Variants in NBEA observed in about 807,000 individuals in gnomAD.
NBEA encodes lysosomal-trafficking regulator 2.
Under a neutral mutation model 343.4 loss-of-function variants are expected in NBEA, and 44 were observed. The ratio of observed to expected loss-of-function variants is 0.13; its 90% CI spans 0.10 to 0.16. The LOEUF (loss-of-function observed/expected upper bound fraction) is 0.16, where lower values mean the gene tolerates loss of function less well. Among genes scored for constraint, NBEA ranks in the 10% least tolerant of loss-of-function variants. The pLI is 1.00. For missense variants in NBEA, 2,555 were observed against 3,631.3 expected (o/e 0.70, Z 7.62); for synonymous variants, 1,175 against 1,238.7 (o/e 0.95, Z 1.08).
At chr13:35,510,927 G>A (rs2077250966) in intron 41 of NBEA, among the ~76,000 whole-genome samples, 1 of 152,098 alleles carries the variant, frequency 6.6e-6, no homozygotes, top group South Asian at 2.1e-4. Context: ...ATCTTACCTG[G>A]AAAATTCATT....
intron 34 of NBEA, among the ~76,000 whole-genome samples, chr13:35,256,730 T>C (rs2032644631): frequency 6.6e-6 from 1 of 152,158 alleles, no homozygotes; most frequent in African/African-American, 2.4e-5. Context: ...CACCCAAGCA[T>C]GTGCACGCCC....
At chr13:35,428,282 C>G (rs191477215) in intron 38 of NBEA, among the ~76,000 whole-genome samples, 2,880 of 152,226 alleles carry the variant, frequency 0.019, 44 homozygotes, top group Admixed American at 0.031. Context: ...GCTCCTCCCC[C>G]ACCCGCCATT....
In NBEA at chr13:35,151,355, C is replaced by A. The variant is rs940175436; in HGVS notation, c.2446-4419C>A. 2.0e-5 allele frequency among the ~76,000 whole-genome samples: 3 copies of A among 151,676 alleles called. No homozygotes were observed. The South Asian group carries it at 6.3e-4, about 32-fold the overall frequency. On this transcript the variant is annotated intron_variant, in intron 18 of 58. Coordinates refer to ENST00000379939, the MANE Select transcript of NBEA (RefSeq NM_001385012.1). ...GGTTGGGAGTTCGAGACCAGCCTGA[C>A]CAACATGGAGAAACCCCATCACTAC...
At chr13:35,473,883 A>AT (rs529874201) in intron 41 of NBEA, among the ~76,000 whole-genome samples, 16 of 152,132 alleles carry the variant, frequency 1.1e-4, no homozygotes, top group Non-Finnish European at 2.1e-4. Flanking sequence ...AATTAGTCAG[A>AT]TTTTTAACTC....
intron 45 of NBEA, among the ~76,000 whole-genome samples, chr13:35,575,806 G>A (rs573037398): frequency 1.3e-5 from 2 of 152,024 alleles, no homozygotes; most frequent in Admixed American, 1.3e-4. Context: ...GATTCAGTCA[G>A]CGACCACACA....
chr13:35,394,901 A>G (rs1340697294), intron 38 of NBEA, among the ~76,000 whole-genome samples: 1 of 152,068 alleles, frequency 6.6e-6, no homozygotes, highest in African/African-American at 2.4e-5. Context: ...TAAAGCTGTA[A>G]GTTTCCTTCT....
At chr13:35,367,453 C>T (rs989342063) in intron 38 of NBEA, among the ~76,000 whole-genome samples, 2 of 150,838 alleles carry the variant, frequency 1.3e-5, no homozygotes, top group Non-Finnish European at 3.0e-5. Context: ...TTTTAACAGG[C>T]TTTCAAGTTG....
intron 1 of NBEA, among the ~76,000 whole-genome samples, chr13:34,962,192 T>C (rs1428594295): frequency 6.6e-6 from 1 of 152,034 alleles, no homozygotes; most frequent in Non-Finnish European, 1.5e-5. Context: ...TTTAAGATTT[T>C]TAAATTAGAT....
intron 17 of NBEA, among the ~76,000 whole-genome samples, chr13:35,130,355 T>A (rs760419671): frequency 4.6e-5 from 7 of 152,138 alleles, no homozygotes; most frequent in Non-Finnish European, 8.8e-5. Context: ...AATCTCTATG[T>A]ATTTTTTTAT....
intron 41 of NBEA, among the ~76,000 whole-genome samples, chr13:35,492,053 A>G (rs2076519366): frequency 6.6e-6 from 1 of 151,986 alleles, no homozygotes; most frequent in Non-Finnish European, 1.5e-5. Context: ...ACTTTCAAGA[A>G]AAGTAGGATT....
intron 38 of NBEA, among the ~76,000 whole-genome samples, chr13:35,415,265 T>C (rs1475981613): frequency 6.6e-6 from 1 of 152,208 alleles, no homozygotes; most frequent in Non-Finnish European, 1.5e-5. Context: ...ATTTTGGCTT[T>C]TGTTGCCATT....
At chr13:35,103,890 A>T (rs1260470898) in intron 11 of NBEA, among the ~76,000 whole-genome samples, 3 of 151,850 alleles carry the variant, frequency 2.0e-5, no homozygotes, top group Non-Finnish European at 4.4e-5. Context: ...AGTTGATATC[A>T]TCTTAGTTCA....
At chr13:35,435,027 TTTTGTTTG>T (rs1215705122) in intron 39 of NBEA, among the ~76,000 whole-genome samples, 4 of 152,042 alleles carry the variant, frequency 2.6e-5, no homozygotes. Context: ...GTTTGTTTGT[TTTTGTTTG>T]TTTGTTTGTT....
chr13:35,110,763 G>T (rs1487437922), intron 12 of NBEA, 47 bp from the exon 13 acceptor site: 1 of 1,493,746 alleles, frequency 6.7e-7, no homozygotes, highest in South Asian at 1.2e-5. Context: ...ATGAGCACTT[G>T]AGGCATTTTA....
chr13:35,571,345 C>G (rs1429911325), intron 45 of NBEA, among the ~76,000 whole-genome samples: 1 of 152,000 alleles, frequency 6.6e-6, no homozygotes, highest in East Asian at 1.9e-4. Flanking sequence ...GTGGCTTGAA[C>G]AATAGTGGGA....
chr13:35,477,313 T>C (rs7997740), intron 41 of NBEA: 5,418 of 159,150 alleles, frequency 0.034, 140 homozygotes, highest in African/African-American at 0.077. Flanking sequence ...TCTCCATTTG[T>C]TGAATCTGAA....
At chr13:35,218,550 T>C (rs893255585) in intron 33 of NBEA, among the ~76,000 whole-genome samples, 47 of 152,030 alleles carry the variant, frequency 3.1e-4, no homozygotes, top group Admixed American at 1.5e-3. Context: ...ATTATAGTCA[T>C]GGTTATAGCA....
intron 36 of NBEA, among the ~76,000 whole-genome samples, chr13:35,319,569 A>T (rs1244079823): frequency 6.6e-6 from 1 of 152,080 alleles, no homozygotes; most frequent in South Asian, 2.1e-4. Context: ...TATATATTCT[A>T]TTCATTTGGG....
rs779170017 is a variant in NBEA, at chr13:35,472,464, C to G, written c.6513C>G (p.Leu2171=). ...IAPVVVAKGT[L]SITTTEIYFE... ...CCGTGGTGGTGGCCAAGGGGACTCT[C>G]TCCATCACCACGACAGAAATCTACT... is the stretch of plus-strand genomic sequence containing the variant. Residue 2171 remains leucine (L), a synonymous_variant, in exon 41 of 59, where the codon CTC becomes CTG. Coordinates refer to ENST00000379939, the MANE Select transcript of NBEA (RefSeq NM_001385012.1). 1 of 1,613,990 alleles carries G rather than the reference C, an allele frequency of 6.2e-7. No individual in the cohort carries two copies. Among genetic ancestry groups the G allele is most frequent in the Admixed American group, 1.7e-5 (1 of 60,032 alleles).
Sources: allele counts gnomAD v4.1 joint callset (sites outside exome capture counted in the v4.1 genomes callset), GRCh38; gene constraint gnomAD v4.1.1; transcripts MANE v1.5; gene names NCBI Gene and HGNC (gene_info 2026-07-23, HGNC 2026-07-21).